Variants in HUWE1 observed in about 807,000 individuals in gnomAD.
HUWE1 encodes the protein E3 ubiquitin-protein ligase HUWE1.
HUWE1 carries 18 observed loss-of-function variants against 299.4 expected under a neutral mutation model. The observed-to-expected ratio is 0.06, with a 90% CI of 0.04 to 0.09. The LOEUF (loss-of-function observed/expected upper bound fraction) is 0.09. Ranked by LOEUF, HUWE1 falls within the 10% of genes least tolerant of loss-of-function variation. The pLI is 1.00. For missense variants in HUWE1, 1,832 were observed against 3,462.3 expected (o/e 0.53, Z 11.82); for synonymous variants, 1,317 against 1,286.1 (o/e 1.02, Z -0.51).
In HUWE1 at chrX:53,546,971, C is replaced by G. The variant is rs1378961256; in HGVS notation, c.10637-146G>C. The stretch of plus-strand genomic sequence containing the variant: ...GAAAACCCACCCACCAAAGGCAAAT[C>G]TAAATGACTTGGGATGATAAAGGCT... On this transcript the variant is annotated intron_variant, in intron 68 of 83. Coordinates refer to ENST00000262854, the MANE Select transcript of HUWE1 (RefSeq NM_031407.7). 13 of 727,890 alleles carry G rather than the reference C, an allele frequency of 1.8e-5. No homozygotes were observed. In the African/African-American group the frequency reaches 2.1e-4, roughly 12 times the overall value. The allele number at this position is 727,890 out of a possible 1,213,427, so 60.0% of individuals were successfully genotyped here.
chrX:53,572,474 G>GC (rs1392389672), intron 47 of HUWE1, among the ~76,000 whole-genome samples: 1 of 111,823 alleles, frequency 8.9e-6, no homozygotes, highest in Non-Finnish European at 1.9e-5. Context: ...TTCAAAGATG[G>GC]CAACACTAGT....
At chrX:53,571,211 G>A (rs1286120664) in intron 47 of HUWE1, among the ~76,000 whole-genome samples, 1 of 112,050 alleles carries the variant, frequency 8.9e-6, no homozygotes, top group African/African-American at 3.2e-5. Flanking sequence ...TAGGACACTG[G>A]ACACATATTA....
At position 53,639,152 on chromosome X, in the gene HUWE1, C is replaced by G. The variant is rs150249156; in HGVS notation, c.505-4854G>C. On this transcript the variant is annotated intron_variant, in intron 7 of 83. Transcript: ENST00000262854. ...GACTAATATCTCCAATATGGTTTTA[C>G]AGAGTAGGAAAAAGTAACCAAATGG... is the stretch of plus-strand genomic sequence containing the variant. Among the ~76,000 whole-genome samples, 98 of 111,865 alleles carry G rather than the reference C, an allele frequency of 8.8e-4. No individual in the cohort carries two copies. The East Asian group carries it at 0.011, about 13-fold the overall frequency.
rs1341864934 is a variant in HUWE1, at chrX:53,611,294, A to G, written c.2262-2385T>C. ...TGGATAATCACTATACAATTATCACATAACAGAATACTACTCAGCAATGAA... is the reference window on the plus strand; with the variant it reads ...TGGATAATCACTATACAATTATCACGTAACAGAATACTACTCAGCAATGAA... On this transcript the variant is annotated intron_variant, in intron 23 of 83. Transcript: ENST00000262854. Among the ~76,000 whole-genome samples the G allele has an allele frequency of 2.7e-5, 3 of 111,071 alleles. No individual in the cohort carries two copies. The South Asian group carries it at 1.1e-3, about 42-fold the overall frequency.
intron 73 of HUWE1, chrX:53,543,588 T>G: frequency 2.5e-6 from 1 of 397,872 alleles, no homozygotes; most frequent in Admixed American, 4.2e-5. Flanking sequence ...ATCAGGCAGT[T>G]TGCAAAAGCG....
At chrX:53,560,112 A>C (rs1300622933) in intron 56 of HUWE1, 76 bp downstream of exon 56, 1 of 827,673 alleles carries the variant, frequency 1.2e-6, no homozygotes, top group Non-Finnish European at 1.8e-6. Flanking sequence ...ATTTCCCCCA[A>C]GGTTAAGACA....
intron 6 of HUWE1, among the ~76,000 whole-genome samples, chrX:53,645,737 ATATATATATATAT>A (rs1302355765): frequency 0.1 from 3,849 of 38,305 alleles, 408 homozygotes; most frequent in Admixed American, 0.19. Context: ...AAAAAAAAAA[ATATATATATATAT>A]ATATATATAT....
chrX:53,604,512 AGTAACCCTGCTAG>A, intron 26 of HUWE1, 64 bp downstream of exon 26: 1 of 1,097,298 alleles, frequency 9.1e-7, no homozygotes, highest in Non-Finnish European at 1.3e-6. Context: ...TTTCAAGCAT[AGTAACCCTGCTAG>A]GTGTATGCCC....
intron 9 of HUWE1, 42 bp downstream of exon 9, chrX:53,632,445 T>C (rs2066936635): frequency 1.0e-6 from 1 of 1,002,480 alleles, no homozygotes; most frequent in Non-Finnish European, 1.4e-6. Context: ...CCAGTTACAG[T>C]AAATTGTAGA....
At chrX:53,576,846 G>A (rs2063131612) in intron 44 of HUWE1, 54 bp downstream of exon 44, 2 of 1,181,361 alleles carry the variant, frequency 1.7e-6, no homozygotes, top group Admixed American at 4.4e-5. Flanking sequence ...AATGACCCAG[G>A]CAAAGTAACA....
At chrX:53,636,369 G>A (rs2149124483) in intron 7 of HUWE1, among the ~76,000 whole-genome samples, 1 of 112,888 alleles carries the variant, frequency 8.9e-6, no homozygotes, top group African/African-American at 3.2e-5. Context: ...AACTAGGGAA[G>A]TTTAAGGCAA....
intron 7 of HUWE1, among the ~76,000 whole-genome samples, chrX:53,635,115 G>A (rs782219751): frequency 1.0e-3 from 114 of 110,144 alleles, no homozygotes; most frequent in Non-Finnish European, 1.9e-3. Flanking sequence ...AACAATTGAC[G>A]AAGTGAAAGA....
intron 78 of HUWE1, 88 bp downstream of exon 78, chrX:53,537,468 C>A: frequency 9.8e-7 from 1 of 1,020,788 alleles, no homozygotes; most frequent in South Asian, 2.0e-5. Flanking sequence ...CAGCACCTCC[C>A]TAAATTTGAG....
At chrX:53,646,344 G>A (rs186849963) in intron 6 of HUWE1, among the ~76,000 whole-genome samples, 127 of 110,670 alleles carry the variant, frequency 1.1e-3, no homozygotes, top group African/African-American at 3.9e-3. Context: ...TTTTTGTAGC[G>A]ATGGGGTCTC....
At position 53,580,816 on chromosome X, in the gene HUWE1, G is replaced by A. The variant is rs183871461; in HGVS notation, c.5716+15C>T. The A allele has an allele frequency of 2.4e-3, 2,867 of 1,206,574 alleles. 7 individuals carry two copies. The highest frequency in any genetic ancestry group is 3.0e-3 in the Non-Finnish European group (2,645 of 891,734). ...ACAAACTTAATATCAAAGGCCAGGAGCAAGCGAAACTTACCAGTTCCTGAG... is the reference window on the plus strand; with the variant it reads ...ACAAACTTAATATCAAAGGCCAGGAACAAGCGAAACTTACCAGTTCCTGAG... On this transcript the variant is annotated intron_variant, in intron 43 of 83. Coordinates refer to ENST00000262854, the MANE Select transcript of HUWE1 (RefSeq NM_031407.7).
In HUWE1 at chrX:53,534,526, T is replaced by C. The variant is rs148067102; in HGVS notation, c.12821A>G (p.Asn4274Ser). ...SNTEYHKYQS[N>S]SIQIQWFWRA... The stretch of plus-strand genomic sequence containing the variant: ...CCAGCAGCAGCTCACCTGAATAGAG[T>C]TGGACTGGTACTTGTGGTATTCAGT... Residue 4274 changes from asparagine (N) to serine (S), a missense_variant, in exon 82 of 84, where the codon AAC (asparagine) becomes AGC (serine). Physicochemically the swap from Asn to Ser is conservative, Grantham distance 46 (BLOSUM62 1). Coordinates refer to ENST00000262854, the MANE Select transcript of HUWE1 (RefSeq NM_031407.7). The C allele has an allele frequency of 2.5e-6, 3 of 1,205,510 alleles. No homozygotes were observed. Among genetic ancestry groups the C allele is most frequent in the African/African-American group, 3.5e-5 (2 of 56,856 alleles).
chrX:53,562,129 T>TTCCTCC lies in HUWE1; in HGVS notation c.7314_7319dup (p.Glu2439_Glu2440dup), dbSNP rs781877059. On this transcript the variant is annotated inframe_insertion, in exon 54 of 84. Coordinates refer to ENST00000262854, the MANE Select transcript of HUWE1 (RefSeq NM_031407.7). ...CCCTCACCTGATCATCTTCCTCATC[T>TTCCTCC]TCCTCCTCCTCCTCCTCTTCATCCT... 7.5e-6 allele frequency: 9 copies of TTCCTCC among 1,195,735 alleles called. No individual in the cohort carries two copies. The highest frequency in any genetic ancestry group is 1.0e-5 in the Non-Finnish European group (9 of 882,841).
At chrX:53,642,431 A>AT (rs1557031962) in intron 7 of HUWE1, among the ~76,000 whole-genome samples, 1 of 112,287 alleles carries the variant, frequency 8.9e-6, no homozygotes, top group Non-Finnish European at 1.9e-5. Flanking sequence ...TACATACTCC[A>AT]TAGTGTGCAT....
Position 53,557,139 on chromosome X carries a change from T to C in HUWE1, c.8206+243A>G. The C allele has an allele frequency of 2.6e-5, 13 of 501,950 alleles. No individual in the cohort carries two copies. The South Asian group carries it at 3.5e-4, about 13-fold the overall frequency. The allele number at this position is 501,950 out of a possible 1,213,427, so 41.4% of individuals were successfully genotyped here. On this transcript the variant is annotated intron_variant, in intron 60 of 83. Transcript: ENST00000262854. ...ATTACCCATGCCAGAACAAAGTAGA[T>C]AATAACCAGAACAAGAACCTGAACA...
Sources: gnomAD v4.1 joint callset for allele counts (sites outside exome capture counted in the v4.1 genomes callset) on GRCh38, gnomAD v4.1.1 for gene constraint, MANE v1.5 for transcripts, NCBI Gene and HGNC (gene_info 2026-07-23, HGNC 2026-07-21) for gene names.